COPE: variants seen among roughly 807,000 people sequenced by gnomAD.
COPE encodes the protein coatomer subunit epsilon.
COPE carries 19 observed loss-of-function variants against 42.1 expected under a neutral mutation model. The ratio of observed to expected loss-of-function variants is 0.45; its 90% confidence interval spans 0.31 to 0.66. The LOEUF is 0.66. Ranked by LOEUF, COPE falls within the 30% of genes least tolerant of loss-of-function variation. The probability of loss-of-function intolerance (pLI) is 0.05; values close to 1 mark genes in which losing one functional copy is unlikely to be tolerated. For synonymous variants in COPE, 195 were observed against 181.3 expected, an observed-to-expected ratio of 1.08 and a Z score of -0.60; for missense variants, 402 against 416.1, an observed-to-expected ratio of 0.97 and a Z score of 0.30.
chr19:18,900,982 C>T lies in COPE; in HGVS notation c.736-533G>A, dbSNP rs550487333. ...ACACCAACGAGGATGCGCCCAGAGC[C>T]CGACCTGCCCACGGCGGCCCATGGC... On this transcript the variant is annotated intron_variant, in intron 7 of 9. Transcript: ENST00000262812. Among the ~76,000 whole-genome samples, 7 of 152,348 alleles carry T rather than the reference C, an allele frequency of 4.6e-5. No homozygotes were observed. In the South Asian group the frequency reaches 1.4e-3, roughly 32 times the overall value.
chr19:18,906,868 T>C, intron 4 of COPE, 92 bp downstream of exon 4: 1 of 1,399,290 alleles, frequency 7.1e-7, no homozygotes, highest in Non-Finnish European at 9.5e-7. Context: ...TCTGCTCCCA[T>C]GACGACAGCC....
chr19:18,901,542 C>T (rs1348378524), intron 7 of COPE, among the ~76,000 whole-genome samples: 1 of 152,336 alleles, frequency 6.6e-6, no homozygotes, highest in East Asian at 1.9e-4. Context: ...ACCCCTTGGC[C>T]AGCCCCGCTC....
chr19:18,904,189 TC>T (rs916284834), intron 6 of COPE, among the ~76,000 whole-genome samples: 2 of 152,174 alleles, frequency 1.3e-5, no homozygotes, highest in African/African-American at 4.8e-5. Flanking sequence ...GGTCTAGAAC[TC>T]CCAACCTCAC....
chr19:18,905,809 G>GGCCCAGGAGCTCTGGGGGAGGT, intron 4 of COPE, 180 bp from the exon 5 acceptor site: 1 of 605,704 alleles, frequency 1.7e-6, no homozygotes, highest in Non-Finnish European at 2.8e-6. Context: ...AGCTTCCTCA[G>GGCCCAGGAGCTCTGGGGGAGGT]GCCCAGGAGC....
At chr19:18,906,763 T>C (rs2074798) in intron 4 of COPE, 197 bp downstream of exon 4, 376,516 of 581,502 alleles carry the variant, frequency 0.65, 126,796 homozygotes, top group African/African-American at 0.9. Flanking sequence ...TCCTTGGATC[T>C]GCAGCCTGGT....
intron 8 of COPE, 65 bp downstream of exon 8, chr19:18,900,316 G>T (rs1387184342): frequency 3.0e-6 from 4 of 1,347,412 alleles, no homozygotes; most frequent in Non-Finnish European, 4.1e-6. Context: ...TTAGGGCCTG[G>T]ACCCCAGGCT....
intron 4 of COPE, chr19:18,906,540 G>A (rs776357716): frequency 5.7e-6 from 1 of 174,012 alleles, no homozygotes. Context: ...TCCTAGGGTG[G>A]AGGGGGGCAC....
intron 3 of COPE, among the ~76,000 whole-genome samples, chr19:18,909,295 C>T (rs557532924): frequency 2.1e-4 from 32 of 152,296 alleles, no homozygotes; most frequent in Non-Finnish European, 3.2e-4. Flanking sequence ...CACCACAGCC[C>T]GGGCAGTTAA....
intron 2 of COPE, 87 bp downstream of exon 2, chr19:18,912,897 G>T: frequency 7.4e-7 from 1 of 1,342,474 alleles, no homozygotes; most frequent in Non-Finnish European, 1.1e-6. Context: ...TACTGTCCCC[G>T]CCACCCACTC....
Position 18,903,404 on chromosome 19 carries a change from T to A in COPE, c.599A>T (p.Asp200Val), listed in dbSNP as rs1422816480. Reference sequence around the variant, plus strand: ...CATCTCCTGGAAGATGTAGTAGGCATCCTGCAGCTTCTCACCACCCTGCAG... The same window carrying A: ...CATCTCCTGGAAGATGTAGTAGGCAACCTGCAGCTTCTCACCACCCTGCAG... ...SLATGGEKLQ[D>V]AYYIFQEMAD... Residue 200 changes from aspartate to valine, a missense_variant, in exon 7 of 10, where the codon GAT (aspartate) becomes GTT (valine). Transcript: ENST00000262812. The A allele has an allele frequency of 1.9e-6, 3 of 1,610,776 alleles. No individual in the cohort carries two copies. The South Asian group carries it at 3.3e-5, about 18-fold the overall frequency.
At chr19:18,901,754 G>C (rs1033478033) in intron 7 of COPE, among the ~76,000 whole-genome samples, 1 of 152,238 alleles carries the variant, frequency 6.6e-6, no homozygotes, top group South Asian at 2.1e-4. Context: ...AACACAGTGA[G>C]ACCCCATTTC....
At chr19:18,918,667 G>A (rs1455899933) in intron 1 of COPE, among the ~76,000 whole-genome samples, 2 of 152,254 alleles carry the variant, frequency 1.3e-5, no homozygotes, top group African/African-American at 4.8e-5. Flanking sequence ...GGGCGCATGC[G>A]ATCTGCCCGC....
chr19:18,902,195 A>G (rs2056705953), intron 7 of COPE, among the ~76,000 whole-genome samples: 2 of 150,598 alleles, frequency 1.3e-5, no homozygotes, highest in Admixed American at 6.6e-5. Context: ...AAAAAAAAAA[A>G]AAAATCCACC....
rs1448388605 is a variant in COPE, at chr19:18,902,785, G to A, written c.735+483C>T. ...GAAGGAAGGGAAAGAAGGAAGGAAG[G>A]AAGGAAGGAAGGAAGGAAGGAAGGA... is the stretch of plus-strand genomic sequence containing the variant. On this transcript the variant is annotated intron_variant, in intron 7 of 9. Transcript: ENST00000262812. Among the ~76,000 whole-genome samples the A allele has an allele frequency of 1.3e-4, 4 of 30,532 alleles. 1 individual carries two copies. In the Admixed American group the frequency reaches 1.9e-3, roughly 14 times the overall value. 20.0% of individuals were successfully genotyped at this position (30,532 alleles called of 152,430 possible). A position where few individuals can be genotyped will look rare whatever the true frequency, so the allele number is the denominator to read the frequency against.
At chr19:18,912,738 CAAAAAAAAAA>C (rs10716350) in intron 2 of COPE, among the ~76,000 whole-genome samples, 1 of 113,184 alleles carries the variant, frequency 8.8e-6, no homozygotes, top group Admixed American at 8.6e-5. Flanking sequence ...GACTCCGTCT[CAAAAAAAAAA>C]AAAAAAAAAT....
chr19:18,904,525 T>C (rs193140202), intron 6 of COPE, among the ~76,000 whole-genome samples: 17 of 152,364 alleles, frequency 1.1e-4, no homozygotes, highest in African/African-American at 3.1e-4. Context: ...CGAGTACCCC[T>C]GTGCCTCAGG....
intron 7 of COPE, among the ~76,000 whole-genome samples, chr19:18,900,660 A>G (rs1486124920): frequency 6.6e-6 from 1 of 152,124 alleles, no homozygotes; most frequent in South Asian, 2.1e-4. Flanking sequence ...CCCCATCTGT[A>G]GTCCAGCCTG....
At chr19:18,913,872 A>T (rs569003600) in intron 1 of COPE, among the ~76,000 whole-genome samples, 2 of 152,238 alleles carry the variant, frequency 1.3e-5, no homozygotes, top group South Asian at 4.1e-4. Context: ...GGGTCAAAGG[A>T]CCCAGTGCCC....
chr19:18,918,115 G>C (rs1183641541), intron 1 of COPE, among the ~76,000 whole-genome samples: 2 of 150,654 alleles, frequency 1.3e-5, no homozygotes, highest in African/African-American at 4.9e-5. Context: ...GCTTGAACCT[G>C]GGGGCGGAGG....
Sources: allele counts gnomAD v4.1 joint callset (sites outside exome capture counted in the v4.1 genomes callset), GRCh38; gene constraint gnomAD v4.1.1; transcripts MANE v1.5; gene names NCBI Gene and HGNC (gene_info 2026-07-23, HGNC 2026-07-21).